Variants in ANKRD17 observed in about 807,000 individuals in gnomAD.
ANKRD17 encodes ankyrin repeat domain-containing protein 17.
A neutral mutation model predicts 229.7 loss-of-function variants in ANKRD17; 19 were observed. That is an observed-to-expected ratio of 0.08 (90% CI 0.06 to 0.12). The LOEUF is 0.12. Among genes scored for constraint, ANKRD17 ranks in the 10% least tolerant of loss-of-function variants. The pLI is 1.00. For synonymous variants in ANKRD17, 1,112 were observed against 1,146.1 expected (o/e 0.97, Z 0.60); for missense variants, 2,176 against 3,176.8 (o/e 0.68, Z 7.57).
At chr4:73,230,983 T>C (rs908493211) in intron 1 of ANKRD17, among the ~76,000 whole-genome samples, 11 of 152,186 alleles carry the variant, frequency 7.2e-5, no homozygotes, top group African/African-American at 2.4e-4. Context: ...CAAATGAAAA[T>C]AAAAACAAGT....
chr4:73,151,979 A>G (rs981958851), intron 6 of ANKRD17, among the ~76,000 whole-genome samples: 5 of 152,140 alleles, frequency 3.3e-5, no homozygotes, highest in Non-Finnish European at 7.4e-5. Context: ...CCTGCTTATA[A>G]ACTGGGAACT....
At chr4:73,101,173 C>A in intron 25 of ANKRD17, 1 of 948,752 alleles carries the variant, frequency 1.1e-6, no homozygotes, top group South Asian at 4.9e-5. Flanking sequence ...GAAACCATCC[C>A]CTGTGGATAT....
intron 1 of ANKRD17, among the ~76,000 whole-genome samples, chr4:73,234,055 T>C (rs1743300007): frequency 6.6e-6 from 1 of 152,156 alleles, no homozygotes; most frequent in Non-Finnish European, 1.5e-5. Context: ...ATCCTTCCCA[T>C]GGTTCCTAAA....
intron 1 of ANKRD17, among the ~76,000 whole-genome samples, chr4:73,219,248 G>T (rs1381630638): frequency 1.3e-5 from 2 of 152,022 alleles, no homozygotes; most frequent in Non-Finnish European, 2.9e-5. Flanking sequence ...TGTCACCATG[G>T]TTACTTTAGA....
intron 1 of ANKRD17, among the ~76,000 whole-genome samples, chr4:73,231,151 G>C (rs955379928): frequency 7.2e-5 from 11 of 151,958 alleles, no homozygotes; most frequent in African/African-American, 1.4e-4. Context: ...CACACACACA[G>C]ACACAAAATG....
At chr4:73,121,805 A>AT (rs769068358) in intron 18 of ANKRD17, 46 bp from the exon 19 acceptor site, 1 of 1,532,372 alleles carries the variant, frequency 6.5e-7, no homozygotes, top group Non-Finnish European at 8.8e-7. Context: ...GGAGAGACAA[A>AT]TTACCAAAGT....
chr4:73,092,770 T>C (rs1006867129), intron 28 of ANKRD17, among the ~76,000 whole-genome samples: 2 of 152,158 alleles, frequency 1.3e-5, no homozygotes, highest in Admixed American at 1.3e-4. Flanking sequence ...AAAACAGTAT[T>C]TTATTTTAAA....
intron 2 of ANKRD17, among the ~76,000 whole-genome samples, chr4:73,175,059 A>C (rs1164120441): frequency 6.6e-6 from 1 of 152,220 alleles, no homozygotes; most frequent in East Asian, 1.9e-4. Flanking sequence ...TATTTACAGA[A>C]GTAGAAAAAG....
chr4:73,102,049 T>C (rs1724068678), intron 25 of ANKRD17, among the ~76,000 whole-genome samples: 1 of 152,044 alleles, frequency 6.6e-6, no homozygotes, highest in African/African-American at 2.4e-5. Flanking sequence ...CCTCCCACCT[T>C]ACCTCCCCAT....
chr4:73,223,670 A>G (rs1249485046), intron 1 of ANKRD17, among the ~76,000 whole-genome samples: 1 of 152,212 alleles, frequency 6.6e-6, no homozygotes, highest in African/African-American at 2.4e-5. Flanking sequence ...GAAGCAAGCT[A>G]TAATATTTGA....
rs1295787316 is a variant in ANKRD17 at position 73,141,813 on chromosome 4, T to C, written c.2260A>G (p.Met754Val). Reference protein sequence around the residue: ...APRVPVQALPMVVPPQEPDKP... With the variant: ...APRVPVQALPVVVPPQEPDKP... ...TCAGGCTCCTGAGGTGGAACAACCA[T>C]GGGCAGTGCTTGAACTGGTACACGA... Residue 754 changes from methionine to valine, a missense_variant, in exon 14 of 34, where the codon ATG becomes GTG. Around this residue, in one of 18 missense-constraint regions of ANKRD17, gnomAD observed 275 missense variants for 386.9 expected, o/e 0.71. Transcript: ENST00000358602. 2.5e-6 allele frequency: 4 copies of C among 1,613,938 alleles called. No individual in the cohort carries two copies. Among genetic ancestry groups the C allele is most frequent in the Non-Finnish European group, 3.4e-6 (4 of 1,179,920 alleles).
At chr4:73,118,414 A>C (rs1356469433) in intron 22 of ANKRD17, among the ~76,000 whole-genome samples, 1 of 151,996 alleles carries the variant, frequency 6.6e-6, no homozygotes, top group Non-Finnish European at 1.5e-5. Flanking sequence ...CACTTTGTGA[A>C]GATTAAGACT....
intron 19 of ANKRD17, 112 bp downstream of exon 19, chr4:73,121,505 C>A: frequency 7.5e-7 from 1 of 1,340,386 alleles, no homozygotes; most frequent in Non-Finnish European, 1.1e-6. Flanking sequence ...CTTTGAATGC[C>A]AAATTTGTAA....
intron 1 of ANKRD17, among the ~76,000 whole-genome samples, chr4:73,190,548 AAAAAAAAAAACAAAAC>A (rs1438807613): frequency 2.8e-5 from 4 of 144,780 alleles, no homozygotes; most frequent in African/African-American, 5.0e-5. Flanking sequence ...AATGTCCTCC[AAAAAAAAAAACAAAAC>A]AAAAAAAAAA....
intron 15 of ANKRD17, among the ~76,000 whole-genome samples, chr4:73,137,388 A>C (rs1390905301): frequency 6.6e-6 from 1 of 152,166 alleles, no homozygotes; most frequent in African/African-American, 2.4e-5. Context: ...TTGGTCAGCA[A>C]ATTTTATGGT....
chr4:73,075,030 C>G lies in ANKRD17; in HGVS notation c.*1201G>C, dbSNP rs775857243. On this transcript the variant is annotated 3_prime_UTR_variant, in exon 34 of 34. Transcript: ENST00000358602. ...TGTCTACCATAAATTGTCTTCGTGA[C>G]AAATGCAGAATTTCTTTTATTACTT... 2.6e-5 allele frequency: 4 copies of G among 152,408 alleles called. No individual in the cohort carries two copies. The highest frequency in any genetic ancestry group is 5.9e-5 in the Non-Finnish European group (4 of 67,922). The allele number at this position is 152,408 out of a possible 1,614,324, so 9.4% of individuals were successfully genotyped here.
At chr4:73,245,738 C>A (rs1302190428) in intron 1 of ANKRD17, among the ~76,000 whole-genome samples, 1 of 152,142 alleles carries the variant, frequency 6.6e-6, no homozygotes, top group African/African-American at 2.4e-5. Flanking sequence ...CAGATCCTCT[C>A]GAGGTAGCCA....
intron 1 of ANKRD17, among the ~76,000 whole-genome samples, chr4:73,206,544 T>C (rs1425488786): frequency 6.7e-6 from 1 of 148,658 alleles, no homozygotes; most frequent in African/African-American, 2.6e-5. Flanking sequence ...TGGAGAACAC[T>C]GTGCTCAATG....
chr4:73,227,988 C>G (rs2149231145), intron 1 of ANKRD17, among the ~76,000 whole-genome samples: 1 of 152,156 alleles, frequency 6.6e-6, no homozygotes, highest in East Asian at 1.9e-4. Flanking sequence ...TCAAACAAAA[C>G]AAGGACTGAC....
Sources: allele counts gnomAD v4.1 joint callset (sites outside exome capture counted in the v4.1 genomes callset), GRCh38; gene constraint gnomAD v4.1.1; regional missense constraint gnomAD v4.1.1; transcripts MANE v1.5; gene names NCBI Gene and HGNC (gene_info 2026-07-23, HGNC 2026-07-21).